The following KHDRBS2 variants were observed in gnomAD, a reference collection of about 807,000 sequenced individuals.
The protein encoded by KHDRBS2 is KH RNA binding domain containing, signal transduction associated 2.
Under a neutral mutation model 44.3 loss-of-function variants are expected in KHDRBS2, and 26 were observed. That is an observed-to-expected ratio of 0.59 (90% CI 0.43 to 0.81). KHDRBS2 has a LOEUF of 0.81. KHDRBS2 is among the 40% of genes least tolerant of loss of function. The pLI is 0.00. For missense variants in KHDRBS2, 476 were observed against 433.1 expected (o/e 1.10, Z -0.88); for synonymous variants, 194 against 151.1 (o/e 1.28, Z -2.08).
At chr6:61,971,167 A>G (rs972973469) in intron 4 of KHDRBS2, among the ~76,000 whole-genome samples, 4 of 152,144 alleles carry the variant, frequency 2.6e-5, no homozygotes, top group South Asian at 2.1e-4. Flanking sequence ...AGGCATTGTT[A>G]TATATGCATC....
chr6:61,960,007 T>C (rs559931999), intron 4 of KHDRBS2, among the ~76,000 whole-genome samples: 3 of 152,162 alleles, frequency 2.0e-5, no homozygotes, highest in African/African-American at 7.2e-5. Flanking sequence ...TTCATCACTA[T>C]CAAGACTAGT....
chr6:61,621,229 C>T, the KHDRBS2 span, among the ~76,000 whole-genome samples: 3 of 152,088 alleles, frequency 2.0e-5, no homozygotes, highest in African/African-American at 7.2e-5. Context: ...AAAACCATCC[C>T]GGTGGAGGGG....
chr6:62,237,778 C>G (rs374051415), intron 1 of KHDRBS2, among the ~76,000 whole-genome samples: 1 of 152,104 alleles, frequency 6.6e-6, no homozygotes, highest in African/African-American at 2.4e-5. Flanking sequence ...CAGTGGCTCA[C>G]GCCTCTAATC....
chr6:61,694,600 C>G (rs1235182942), intron 8 of KHDRBS2, among the ~76,000 whole-genome samples: 2 of 152,164 alleles, frequency 1.3e-5, no homozygotes, highest in African/African-American at 4.8e-5. Flanking sequence ...TTGTGTTGAA[C>G]TCAAAGAGTG....
chr6:61,634,969 T>C, the KHDRBS2 span, among the ~76,000 whole-genome samples: 1 of 152,070 alleles, frequency 6.6e-6, no homozygotes, highest in African/African-American at 2.4e-5. Context: ...AGAAGCTTTC[T>C]TGTAATTTTC....
chr6:61,771,148 T>C (rs1387050114), intron 6 of KHDRBS2, among the ~76,000 whole-genome samples: 1 of 152,204 alleles, frequency 6.6e-6, no homozygotes, highest in Non-Finnish European at 1.5e-5. Flanking sequence ...AGAGATTTTG[T>C]CACCACCAGG....
the KHDRBS2 span, among the ~76,000 whole-genome samples, chr6:61,597,505 T>G: frequency 6.6e-6 from 1 of 151,808 alleles, no homozygotes; most frequent in Non-Finnish European, 1.5e-5. Flanking sequence ...AGACCCTTTA[T>G]GTGATAACTA....
intron 3 of KHDRBS2, among the ~76,000 whole-genome samples, chr6:62,012,821 T>A (rs908276423): frequency 3.3e-5 from 5 of 152,196 alleles, no homozygotes; most frequent in African/African-American, 1.2e-4. Context: ...GTAACATACA[T>A]AGCACTACTC....
At chr6:61,770,810 C>T (rs1284944998) in intron 6 of KHDRBS2, among the ~76,000 whole-genome samples, 3 of 152,134 alleles carry the variant, frequency 2.0e-5, no homozygotes, top group Admixed American at 6.5e-5. Flanking sequence ...GGCAGGCCAA[C>T]ATTCAAATTC....
intron 1 of KHDRBS2, among the ~76,000 whole-genome samples, chr6:62,241,179 G>C (rs1248450826): frequency 6.6e-6 from 1 of 152,122 alleles, no homozygotes; most frequent in Admixed American, 6.6e-5. Flanking sequence ...ATGCAAAAGA[G>C]ACTCTGAATC....
chr6:61,809,743 C>T (rs963124763), intron 6 of KHDRBS2, among the ~76,000 whole-genome samples: 7 of 152,094 alleles, frequency 4.6e-5, no homozygotes, highest in African/African-American at 1.4e-4. Context: ...CAAGACCCTA[C>T]CTGACAACCT....
At chr6:61,966,928 T>G (rs2127396513) in intron 4 of KHDRBS2, among the ~76,000 whole-genome samples, 1 of 152,076 alleles carries the variant, frequency 6.6e-6, no homozygotes, top group Admixed American at 6.6e-5. Flanking sequence ...AAAATGAGCC[T>G]AATTTAAACT....
intron 2 of KHDRBS2, among the ~76,000 whole-genome samples, chr6:62,082,798 C>T (rs1584583161): frequency 6.6e-6 from 1 of 152,090 alleles, no homozygotes; most frequent in South Asian, 2.1e-4. Flanking sequence ...AAAGCTTTCA[C>T]GCTTTTGGAA....
chr6:61,828,293 T>C (rs1791238364), intron 6 of KHDRBS2, among the ~76,000 whole-genome samples: 1 of 152,172 alleles, frequency 6.6e-6, no homozygotes, highest in Non-Finnish European at 1.5e-5. Context: ...ATCACATCTG[T>C]TTCCCAATTT....
At chr6:61,948,478 A>C (rs1041146438) in intron 4 of KHDRBS2, among the ~76,000 whole-genome samples, 1 of 151,970 alleles carries the variant, frequency 6.6e-6, no homozygotes, top group African/African-American at 2.4e-5. Flanking sequence ...CTGATAATTT[A>C]AGAATCAAAA....
chr6:61,782,096 G>A (rs189915824), intron 6 of KHDRBS2, among the ~76,000 whole-genome samples: 88 of 152,230 alleles, frequency 5.8e-4, no homozygotes, highest in African/African-American at 2.0e-3. Context: ...AAATCAGTAT[G>A]GCAACTAATT....
At chr6:62,102,226 T>C (rs765886916) in intron 2 of KHDRBS2, among the ~76,000 whole-genome samples, 12 of 152,218 alleles carry the variant, frequency 7.9e-5, no homozygotes, top group Non-Finnish European at 1.2e-4. Flanking sequence ...TTTCATATGA[T>C]AGTTGAGTTG....
the KHDRBS2 span, among the ~76,000 whole-genome samples, chr6:61,583,002 T>C: frequency 6.6e-6 from 1 of 151,810 alleles, no homozygotes; most frequent in Non-Finnish European, 1.5e-5. Context: ...TAATGTAAAC[T>C]TCCTATGTTT....
At chr6:62,079,121 ATAAC>A (rs1168945117) in intron 2 of KHDRBS2, among the ~76,000 whole-genome samples, 8 of 152,054 alleles carry the variant, frequency 5.3e-5, no homozygotes, top group African/African-American at 1.2e-4. Flanking sequence ...ACCATGATCC[ATAAC>A]TAACTGTCTG....
Sources: gnomAD v4.1 joint callset for allele counts (sites outside exome capture counted in the v4.1 genomes callset) on GRCh38, gnomAD v4.1.1 for gene constraint, MANE v1.5 for transcripts, NCBI Gene and HGNC (gene_info 2026-07-23, HGNC 2026-07-21) for gene names.